The following PCSK2 variants were observed in gnomAD, a reference collection of about 807,000 sequenced individuals.
The protein encoded by PCSK2 is proprotein convertase subtilisin/kexin type 2, also known as neuroendocrine convertase 2.
A neutral mutation model predicts 69.7 loss-of-function variants in PCSK2; 14 were observed. The ratio of observed to expected loss-of-function variants is 0.20; its 90% CI spans 0.13 to 0.31. PCSK2 has a LOEUF of 0.31. Among genes scored for constraint, PCSK2 ranks in the 10% least tolerant of loss-of-function variants. The pLI, the probability that PCSK2 is intolerant of heterozygous loss-of-function variation, is 1.00. For missense variants in PCSK2, 544 were observed against 842.5 expected (o/e 0.65, Z 4.39); for synonymous variants, 307 against 320.7 (o/e 0.96, Z 0.46).
chr20:17,261,553 G>A (rs1987385977), intron 2 of PCSK2, among the ~76,000 whole-genome samples: 1 of 152,190 alleles, frequency 6.6e-6, no homozygotes, highest in African/African-American at 2.4e-5. Flanking sequence ...TAACAATTAA[G>A]CTGCCTGTGC....
At position 17,358,454 on chromosome 20, in the gene PCSK2, T is replaced by C. The variant is rs750420236; in HGVS notation, c.396+14T>C. On this transcript the variant is annotated intron_variant, in intron 3 of 11. Coordinates refer to ENST00000262545, the MANE Select transcript of PCSK2 (RefSeq NM_002594.5). Reference sequence around the variant, plus strand: ...CAGTGGTATCTGGTGAGTGTCTTTATGTCCTTTTGGACATTTCCCATCTTG... The same window carrying C: ...CAGTGGTATCTGGTGAGTGTCTTTACGTCCTTTTGGACATTTCCCATCTTG... 2.2e-6 allele frequency: 3 copies of C among 1,345,752 alleles called. No individual in the cohort carries two copies. The highest frequency in any genetic ancestry group is 4.6e-5 in the East Asian group (2 of 43,560). 83.4% of individuals were successfully genotyped at this position (1,345,752 alleles called of 1,614,324 possible).
intron 5 of PCSK2, among the ~76,000 whole-genome samples, chr20:17,378,782 A>G (rs541346702): frequency 3.9e-5 from 6 of 152,338 alleles, no homozygotes; most frequent in Admixed American, 1.3e-4. Flanking sequence ...ATCACTAAAC[A>G]CACCTGTTCA....
chr20:17,436,050 A>G (rs756476978), intron 7 of PCSK2, among the ~76,000 whole-genome samples: 3 of 152,236 alleles, frequency 2.0e-5, no homozygotes, highest in Non-Finnish European at 4.4e-5. Flanking sequence ...CCCACGAGGC[A>G]TCAGAGAGGA....
intron 2 of PCSK2, among the ~76,000 whole-genome samples, chr20:17,356,994 G>A (rs758963866): frequency 1.3e-5 from 2 of 152,094 alleles, no homozygotes; most frequent in Non-Finnish European, 2.9e-5. Flanking sequence ...CAAATACACT[G>A]GGGAGATTTG....
At chr20:17,274,443 A>G (rs1010310369) in intron 2 of PCSK2, among the ~76,000 whole-genome samples, 3 of 152,132 alleles carry the variant, frequency 2.0e-5, no homozygotes, top group African/African-American at 7.2e-5. Context: ...GGTGGGAGTG[A>G]TACTGGGCCA....
At position 17,483,199 on chromosome 20, in the gene PCSK2, G is replaced by A. The variant is rs912464214; in HGVS notation, c.*1129G>A. 6.6e-6 allele frequency: 1 copy of A among 152,054 alleles called. No homozygotes were observed. The highest frequency in any genetic ancestry group is 2.1e-4 in the South Asian group (1 of 4,830). 9.4% of individuals were successfully genotyped at this position (152,054 alleles called of 1,614,324 possible). ...GTGAAAGGGGCACGTTTGAAGATGC[G>A]AGCGCTATCTTCACATAGTTCTCCA... On this transcript the variant is annotated 3_prime_UTR_variant, in exon 12 of 12. Transcript: ENST00000262545.
chr20:17,306,249 C>A (rs1052300919), intron 2 of PCSK2, among the ~76,000 whole-genome samples: 1 of 152,002 alleles, frequency 6.6e-6, no homozygotes. Context: ...TGAGTAGATT[C>A]TTTGTTTTCA....
intron 2 of PCSK2, among the ~76,000 whole-genome samples, chr20:17,274,101 C>T (rs1987967527): frequency 1.3e-5 from 2 of 152,204 alleles, no homozygotes; most frequent in Admixed American, 1.3e-4. Context: ...AGTAGAAGTC[C>T]CTTGCATAGT....
At chr20:17,442,651 G>A (rs1489516026) in intron 8 of PCSK2, among the ~76,000 whole-genome samples, 1 of 152,182 alleles carries the variant, frequency 6.6e-6, no homozygotes, top group Non-Finnish European at 1.5e-5. Context: ...AAATGCTCAC[G>A]ATGCAGTCCT....
chr20:17,360,527 A>C lies in PCSK2; in HGVS notation c.397-5A>C. ...CCATTCTCTGCTTTGAAATTCCTGT[A>C]CCAGATCAATACTGGGCAAGCTGAT... On this transcript the variant is annotated splice_region_variant and splice_polypyrimidine_tract_variant and intron_variant, in intron 3 of 11. Transcript: ENST00000262545. 6.3e-7 allele frequency: 1 copy of C among 1,583,898 alleles called. No homozygotes were observed. The highest frequency in any genetic ancestry group is 8.7e-7 in the Non-Finnish European group (1 of 1,154,548).
At chr20:17,303,437 A>G (rs935554129) in intron 2 of PCSK2, among the ~76,000 whole-genome samples, 1 of 92,616 alleles carries the variant, frequency 1.1e-5, no homozygotes, top group Non-Finnish European at 2.2e-5. Context: ...TTTAATATAT[A>G]ATATAATATA....
intron 2 of PCSK2, among the ~76,000 whole-genome samples, chr20:17,321,457 C>T (rs1379809052): frequency 1.3e-5 from 2 of 151,676 alleles, no homozygotes; most frequent in Non-Finnish European, 2.9e-5. Flanking sequence ...TGTGTGTAGA[C>T]TCTGTCTTGG....
intron 2 of PCSK2, among the ~76,000 whole-genome samples, chr20:17,263,599 A>G (rs1987477703): frequency 6.6e-6 from 1 of 152,208 alleles, no homozygotes; most frequent in Non-Finnish European, 1.5e-5. Flanking sequence ...CCGTATCCCA[A>G]AATTTGTCTC....
chr20:17,471,561 G>C (rs987662890), intron 11 of PCSK2, among the ~76,000 whole-genome samples: 1 of 152,222 alleles, frequency 6.6e-6, no homozygotes, highest in Non-Finnish European at 1.5e-5. Flanking sequence ...CCGGACACAA[G>C]GGAAATGTCT....
At chr20:17,348,990 G>T (rs2029893804) in intron 2 of PCSK2, among the ~76,000 whole-genome samples, 1 of 152,176 alleles carries the variant, frequency 6.6e-6, no homozygotes, top group African/African-American at 2.4e-5. Flanking sequence ...CAGCCACTTG[G>T]TGTCTTCATG....
intron 1 of PCSK2, among the ~76,000 whole-genome samples, chr20:17,230,818 T>C (rs1268501249): frequency 1.3e-5 from 2 of 152,208 alleles, no homozygotes; most frequent in Non-Finnish European, 2.9e-5. Flanking sequence ...TGAACAAACA[T>C]TTGTTTTCTC....
intron 8 of PCSK2, among the ~76,000 whole-genome samples, chr20:17,449,488 T>C (rs1259669717): frequency 1.0e-5 from 1 of 96,960 alleles, no homozygotes; most frequent in Non-Finnish European, 2.4e-5. Flanking sequence ...TGGGATAATG[T>C]TACATATATA....
chr20:17,431,420 G>A (rs1200876841), intron 7 of PCSK2, among the ~76,000 whole-genome samples: 4 of 152,216 alleles, frequency 2.6e-5, no homozygotes, highest in African/African-American at 7.2e-5. Flanking sequence ...CAGAGGACCC[G>A]GTGGGTGCAG....
At chr20:17,311,905 C>G (rs1336072485) in intron 2 of PCSK2, among the ~76,000 whole-genome samples, 2 of 152,154 alleles carry the variant, frequency 1.3e-5, no homozygotes, top group African/African-American at 4.8e-5. Context: ...ACCCAGCTTG[C>G]TCTAAAGATC....
Sources: allele counts gnomAD v4.1 joint callset (sites outside exome capture counted in the v4.1 genomes callset), GRCh38; gene constraint gnomAD v4.1.1; transcripts MANE v1.5; gene names NCBI Gene and HGNC (gene_info 2026-07-23, HGNC 2026-07-21).